KCNN2: variants seen among roughly 807,000 people sequenced by gnomAD.
KCNN2 encodes the protein small conductance calcium-activated potassium channel protein 2.
KCNN2 carries 24 observed loss-of-function variants against 55.5 expected under a neutral mutation model. The observed-to-expected ratio is 0.43, with a 90% CI of 0.31 to 0.61. The LOEUF (loss-of-function observed/expected upper bound fraction) is 0.61, where lower values mean the gene tolerates loss of function less well. Among genes scored for constraint, KCNN2 ranks in the 20% least tolerant of loss-of-function variants. KCNN2 has a pLI of 0.08. For synonymous variants in KCNN2, 431 were observed against 336.1 expected (o/e 1.28, Z -3.09); for missense variants, 754 against 853.6 (o/e 0.88, Z 1.45).
In KCNN2 at chr5:114,336,498, C is replaced by T. The variant is rs1450858080; in HGVS notation, c.-184-24447C>T. On this transcript the variant is annotated intron_variant, in intron 2 of 10. Transcript: ENST00000512097. The stretch of plus-strand genomic sequence containing the variant: ...ATTCATTCATTTCTAAGTTCATGTG[C>T]ATCACTGTACTAGAGATGCATCATT... 2.6e-5 allele frequency among the ~76,000 whole-genome samples: 4 copies of T among 152,288 alleles called. 1 individual carries two copies. The highest frequency in any genetic ancestry group is 2.0e-4 in the Admixed American group (3 of 15,306).
chr5:114,247,202 C>CAAAAAAAAAAAAAAA lies in KCNN2; in HGVS notation c.-185+25644_-185+25658dup, dbSNP rs370172975. 1.3e-3 allele frequency among the ~76,000 whole-genome samples: 90 copies of CAAAAAAAAAAAAAAA among 68,026 alleles called. 1 individual carries two copies. The highest frequency in any genetic ancestry group is 2.4e-3 in the East Asian group (6 of 2,480). The allele number at this position is 68,026 out of a possible 152,430, so 44.6% of individuals were successfully genotyped here. On this transcript the variant is annotated intron_variant, in intron 2 of 10. Transcript: ENST00000512097. Reference sequence around the variant, plus strand: ...AGCCAGGCATGGTACCATATGTCTCCAAAAAAAAAAAAAAAAAAAAAGAAA... The same window carrying CAAAAAAAAAAAAAAA: ...AGCCAGGCATGGTACCATATGTCTCCAAAAAAAAAAAAAAAAAAAAAAAAAAAAAAAAAAAAGAAA...
In KCNN2 at chr5:114,495,984, A is replaced by G. The variant is rs1748097148; in HGVS notation, c.2178A>G (p.Leu726=). ...GGATTGTTACCCTGGAAACAAAACT[A>G]GAGACTTTGATTGGTAGCATCCACG... is the stretch of plus-strand genomic sequence containing the variant. ...EKRIVTLETK[L]ETLIGSIHAL... is the part of the protein sequence containing the mutation. The change falls in exon 8 of 8, where the codon CTA becomes CTG. Residue 726 remains leucine, a synonymous_variant. Transcript: ENST00000673685. The G allele has an allele frequency of 6.2e-7, 1 of 1,614,102 alleles. No individual in the cohort carries two copies. Among genetic ancestry groups the G allele is most frequent in the Non-Finnish European group, 8.5e-7 (1 of 1,179,954 alleles).
intron 2 of KCNN2, among the ~76,000 whole-genome samples, chr5:114,299,497 C>G (rs1344204056): frequency 6.6e-6 from 1 of 152,200 alleles, no homozygotes; most frequent in Non-Finnish European, 1.5e-5. Flanking sequence ...TCAGAGTTCT[C>G]TTTTTCCCTT....
chr5:114,210,100 A>G (rs1753853031), intron 1 of KCNN2, among the ~76,000 whole-genome samples: 1 of 152,144 alleles, frequency 6.6e-6, no homozygotes, highest in Non-Finnish European at 1.5e-5. Flanking sequence ...GATGGTTAGT[A>G]GCATAGTTTT....
intron 1 of KCNN2, among the ~76,000 whole-genome samples, chr5:114,159,917 G>A (rs995279346): frequency 6.6e-6 from 1 of 152,090 alleles, no homozygotes; most frequent in Non-Finnish European, 1.5e-5. Flanking sequence ...AGTCTTGCTA[G>A]TGGTCTATCA....
chr5:114,447,016 C>A (rs1480646631), intron 3 of KCNN2, among the ~76,000 whole-genome samples: 1 of 152,156 alleles, frequency 6.6e-6, no homozygotes, highest in Non-Finnish European at 1.5e-5. Flanking sequence ...TGGCTAGTGG[C>A]CACTGTGTTG....
chr5:114,418,019 G>A (rs1180102602), intron 3 of KCNN2, among the ~76,000 whole-genome samples: 2 of 152,164 alleles, frequency 1.3e-5, no homozygotes, highest in Non-Finnish European at 2.9e-5. Flanking sequence ...CTGCACAGAT[G>A]TGTACCTATC....
At chr5:114,294,870 A>G (rs1211818219) in intron 2 of KCNN2, among the ~76,000 whole-genome samples, 1 of 152,132 alleles carries the variant, frequency 6.6e-6, no homozygotes, top group Admixed American at 6.6e-5. Context: ...TATTGGGTGC[A>G]TATATATTTA....
chr5:114,436,481 T>A (rs1364375615), intron 3 of KCNN2, among the ~76,000 whole-genome samples: 3 of 152,196 alleles, frequency 2.0e-5, no homozygotes, highest in African/African-American at 7.2e-5. Flanking sequence ...TTTGATCAGA[T>A]GAATAAGGCC....
At chr5:114,166,151 A>T (rs1029946037) in intron 1 of KCNN2, among the ~76,000 whole-genome samples, 1 of 152,070 alleles carries the variant, frequency 6.6e-6, no homozygotes, top group Non-Finnish European at 1.5e-5. Context: ...CGGCCTCCCA[A>T]AGTGCTGCTT....
intron 4 of KCNN2, among the ~76,000 whole-genome samples, chr5:114,470,308 G>GTAGT (rs1435325936): frequency 4.6e-5 from 7 of 152,192 alleles, no homozygotes; most frequent in Non-Finnish European, 1.0e-4. Flanking sequence ...TGTCTCTGCA[G>GTAGT]TAGTTAGGAA....
intron 2 of KCNN2, among the ~76,000 whole-genome samples, chr5:114,377,854 G>A (rs957710244): frequency 3.9e-5 from 6 of 152,154 alleles, no homozygotes; most frequent in Admixed American, 1.3e-4. Flanking sequence ...AGAATCTAGC[G>A]TGATACCTGG....
intron 1 of KCNN2, among the ~76,000 whole-genome samples, chr5:114,218,585 C>G (rs976468179): frequency 6.6e-6 from 1 of 152,138 alleles, no homozygotes; most frequent in African/African-American, 2.4e-5. Flanking sequence ...AGGGTTGGCA[C>G]AAGGGACAGA....
At chr5:114,123,096 A>T (rs150985403) in intron 1 of KCNN2, among the ~76,000 whole-genome samples, 707 of 152,264 alleles carry the variant, frequency 4.6e-3, no homozygotes, top group Middle Eastern at 0.014. Context: ...TGACACAAAG[A>T]TAAATCCATG....
intron 2 of KCNN2, among the ~76,000 whole-genome samples, chr5:114,399,637 T>C (rs1758722323): frequency 6.6e-6 from 1 of 152,136 alleles, no homozygotes; most frequent in African/African-American, 2.4e-5. Flanking sequence ...AGAAGTGCCT[T>C]CTTCTCAATC....
chr5:114,237,080 T>G (rs1292994131), intron 2 of KCNN2, among the ~76,000 whole-genome samples: 3 of 152,078 alleles, frequency 2.0e-5, no homozygotes, highest in Non-Finnish European at 4.4e-5. Context: ...GTGCAAGGGA[T>G]TCTCTTGGGG....
chr5:114,462,801 A>G (rs1343815018), intron 3 of KCNN2, among the ~76,000 whole-genome samples: 1 of 152,196 alleles, frequency 6.6e-6, no homozygotes, highest in Non-Finnish European at 1.5e-5. Context: ...GTATCATCTT[A>G]CACCAGTGAG....
chr5:114,149,602 C>T (rs1006937677), intron 1 of KCNN2, among the ~76,000 whole-genome samples: 1 of 152,046 alleles, frequency 6.6e-6, no homozygotes, highest in East Asian at 1.9e-4. Flanking sequence ...GAGATGGTCA[C>T]ATGGGAATGA....
At chr5:114,452,313 T>A (rs887444541) in intron 3 of KCNN2, among the ~76,000 whole-genome samples, 1 of 152,242 alleles carries the variant, frequency 6.6e-6, no homozygotes, top group Admixed American at 6.5e-5. Context: ...GTGTCAGTGA[T>A]GGAACATTAT....
Sources: allele counts gnomAD v4.1 joint callset (sites outside exome capture counted in the v4.1 genomes callset), GRCh38; gene constraint gnomAD v4.1.1; transcripts MANE v1.5; gene names NCBI Gene and HGNC (gene_info 2026-07-23, HGNC 2026-07-21).